Variants in BTBD16 observed in about 807,000 individuals in gnomAD.
The protein encoded by BTBD16 is BTB/POZ domain-containing protein 16.
BTBD16 carries 66 observed loss-of-function variants against 67.4 expected under a neutral mutation model. The ratio of observed to expected loss-of-function variants is 0.98; its 90% CI spans 0.80 to 1.20. BTBD16 has a LOEUF of 1.20. BTBD16 is among the 50% of genes most tolerant of loss of function. The probability of loss-of-function intolerance (pLI) is 0.00; values close to 1 mark genes in which losing one functional copy is unlikely to be tolerated. For synonymous variants in BTBD16, 242 were observed against 236.4 expected, an observed-to-expected ratio of 1.02 and a Z score of -0.22; for missense variants, 634 against 616.0, an observed-to-expected ratio of 1.03 and a Z score of -0.31.
At chr10:122,309,178 G>T (rs1354114536) in intron 10 of BTBD16, among the ~76,000 whole-genome samples, 1 of 152,088 alleles carries the variant, frequency 6.6e-6, no homozygotes, top group Non-Finnish European at 1.5e-5. Flanking sequence ...CCAGGTTGGA[G>T]TACAGTGGCG....
Position 122,336,505 on chromosome 10 carries a change from C to A in BTBD16, c.1275C>A (p.His425Gln). Reference sequence around the variant, plus strand: ...CACTCTCTTTGCAGAGAATAAAGCACACAGACCTGGAATCTCCCTCTGCGG... The same window carrying A: ...CACTCTCTTTGCAGAGAATAAAGCAAACAGACCTGGAATCTCCCTCTGCGG... ...SYSFYMQRIK[H>Q]TDLESPSAVY... Residue 425 changes from histidine (H) to glutamine (Q), a missense_variant, in exon 15 of 16, where the codon CAC becomes CAA. His to Gln is a conservative substitution (Grantham distance 24, BLOSUM62 0). Coordinates refer to ENST00000260723, the MANE Select transcript of BTBD16 (RefSeq NM_144587.5). 1 of 1,606,916 alleles carries A rather than the reference C, an allele frequency of 6.2e-7. No individual in the cohort carries two copies.
intron 3 of BTBD16, among the ~76,000 whole-genome samples, chr10:122,282,726 C>T (rs34023182): frequency 0.068 from 10,335 of 152,264 alleles, 543 homozygotes; most frequent in Middle Eastern, 0.13. Context: ...GTGCCAGGGT[C>T]ATAGCAGTAA....
At chr10:122,298,936 G>T in intron 8 of BTBD16, 68 bp from the exon 9 acceptor site, 1 of 1,588,684 alleles carries the variant, frequency 6.3e-7, no homozygotes, top group Non-Finnish European at 8.5e-7. Context: ...GTGTAGTGTC[G>T]TCTCAGGCCA....
rs1192400387 is a variant in BTBD16 at position 122,286,035 on chromosome 10, G to C, written c.242-70G>C. 5.5e-6 allele frequency: 8 copies of C among 1,448,876 alleles called. No individual in the cohort carries two copies. In the African/African-American group the frequency reaches 7.0e-5, roughly 13 times the overall value. 89.8% of individuals were successfully genotyped at this position (1,448,876 alleles called of 1,614,324 possible). A position where few individuals can be genotyped will look rare whatever the true frequency, so the allele number is the denominator to read the frequency against. On this transcript the variant is annotated intron_variant, in intron 4 of 15. Transcript: ENST00000260723. The stretch of plus-strand genomic sequence containing the variant: ...TCCACCGAGCAAAGGAGCTGGGGGA[G>C]AGGAAGCTGATGCATCTTTGGGTGG...
intron 14 of BTBD16, among the ~76,000 whole-genome samples, chr10:122,335,907 T>A (rs4752683): frequency 6.6e-6 from 1 of 151,724 alleles, no homozygotes. Flanking sequence ...CTCACTCTGT[T>A]GCCCAGGCTG....
Position 122,276,914 on chromosome 10 carries a change from G to T in BTBD16, c.142G>T (p.Glu48Ter), listed in dbSNP as rs1390850514. The change falls in exon 3 of 16, where the codon GAG becomes TAG. Residue 48 changes from glutamate (E) to a stop codon, truncating the protein, a stop_gained. Coordinates refer to ENST00000260723, the MANE Select transcript of BTBD16 (RefSeq NM_144587.5). LOFTEE classifies it high-confidence loss of function. ...GTGCAAGGCTCTGAGCATAGACTTT[G>T]AGGAAGCTTTGAGGAACCCAGACAG... is the stretch of plus-strand genomic sequence containing the variant. ...QMCKALSIDF[E>*]EALRNPDRLC... is the part of the protein sequence containing the mutation. 6.2e-7 allele frequency: 1 copy of T among 1,614,032 alleles called. No homozygotes were observed. The highest frequency in any genetic ancestry group is 8.5e-7 in the Non-Finnish European group (1 of 1,180,020).
chr10:122,298,695 C>G (rs369314960), intron 8 of BTBD16, among the ~76,000 whole-genome samples: 48 of 152,242 alleles, frequency 3.2e-4, no homozygotes, highest in Admixed American at 3.0e-3. Context: ...CTGCCACTTA[C>G]GAGTTGTGTG....
Position 122,272,192 on chromosome 10 carries a change from G to T in BTBD16, c.-43+678G>T, listed in dbSNP as rs555951457. 3.3e-5 allele frequency among the ~76,000 whole-genome samples: 5 copies of T among 152,338 alleles called. No homozygotes were observed. In the South Asian group the frequency reaches 1.0e-3, roughly 32 times the overall value. ...TCAGCCATCAAGGAAAACACACATT[G>T]CTGTAAACTCAAGTGCACCTCTGAA... On this transcript the variant is annotated intron_variant, in intron 1 of 15. Coordinates refer to ENST00000260723, the MANE Select transcript of BTBD16 (RefSeq NM_144587.5).
chr10:122,336,561 C>G lies in BTBD16; in HGVS notation c.1331C>G (p.Ala444Gly), dbSNP rs143717019. The change falls in exon 15 of 16, where the codon GCG (alanine) becomes GGG (glycine). Residue 444 changes from alanine (A) to glycine (G), a missense_variant. Physicochemically the swap from Ala to Gly is moderately conservative, Grantham distance 60. Coordinates refer to ENST00000260723, the MANE Select transcript of BTBD16 (RefSeq NM_144587.5). ...GAGCACAACCACGTCAGCCTGCGAG[C>G]GGCACGCCTGGTGAAGTATGAGATC... The part of the protein sequence containing the change: ...VYEHNHVSLR[A>G]ARLVKYEIRA... 1.1e-5 allele frequency: 17 copies of G among 1,612,654 alleles called. No homozygotes were observed. The highest frequency in any genetic ancestry group is 1.4e-5 in the Non-Finnish European group (17 of 1,179,534).
chr10:122,320,778 T>G (rs1332764736), intron 10 of BTBD16, among the ~76,000 whole-genome samples: 1 of 152,212 alleles, frequency 6.6e-6, no homozygotes, highest in Non-Finnish European at 1.5e-5. Flanking sequence ...GAGACCTGTT[T>G]TATGGCTCAC....
chr10:122,328,238 C>A (rs1321186419), intron 10 of BTBD16, among the ~76,000 whole-genome samples: 1 of 152,206 alleles, frequency 6.6e-6, no homozygotes, highest in Non-Finnish European at 1.5e-5. Flanking sequence ...CACCCACCAG[C>A]CCCGGCTCCA....
At chr10:122,321,082 T>C (rs1322805164) in intron 10 of BTBD16, among the ~76,000 whole-genome samples, 2 of 152,184 alleles carry the variant, frequency 1.3e-5, no homozygotes, top group African/African-American at 4.8e-5. Flanking sequence ...TTAGCTTCCA[T>C]TTATAAGTGA....
At chr10:122,329,844 G>A (rs969828423) in intron 11 of BTBD16, among the ~76,000 whole-genome samples, 1 of 152,100 alleles carries the variant, frequency 6.6e-6, no homozygotes, top group Non-Finnish European at 1.5e-5. Flanking sequence ...GGCTGCCAAG[G>A]GCTGTTTTAT....
chr10:122,311,407 C>G (rs144997997), intron 10 of BTBD16, among the ~76,000 whole-genome samples: 1 of 152,346 alleles, frequency 6.6e-6, no homozygotes, highest in East Asian at 1.9e-4. Context: ...CCACTCTACA[C>G]TCTACAGCCT....
At position 122,306,782 on chromosome 10, in the gene BTBD16, A is replaced by G. The variant is rs1225040703; in HGVS notation, c.792-407A>G. On this transcript the variant is annotated intron_variant, in intron 9 of 15. Coordinates refer to ENST00000260723, the MANE Select transcript of BTBD16 (RefSeq NM_144587.5). ...TGATGAACAAAACACTAAAATTTTA[A>G]ATAAATGTAGGGTTAATCTCAATTT... Among the ~76,000 whole-genome samples the G allele has an allele frequency of 2.0e-5, 3 of 152,236 alleles. No individual in the cohort carries two copies. In the East Asian group the frequency reaches 5.8e-4, roughly 29 times the overall value.
intron 9 of BTBD16, among the ~76,000 whole-genome samples, chr10:122,300,417 C>T (rs771872158): frequency 6.6e-6 from 1 of 151,896 alleles, no homozygotes; most frequent in Non-Finnish European, 1.5e-5. Context: ...TGCCAATCAC[C>T]CTAGAGTTCA....
Position 122,338,022 on chromosome 10 carries a change from G to A in BTBD16, c.1458G>A (p.Leu486=). The A allele has an allele frequency of 6.2e-7, 1 of 1,611,196 alleles. No individual in the cohort carries two copies. The highest frequency in any genetic ancestry group is 8.5e-7 in the Non-Finnish European group (1 of 1,177,774). Residue 486 remains leucine, a synonymous_variant, in exon 16 of 16, where the codon TTG becomes TTA. Coordinates refer to ENST00000260723, the MANE Select transcript of BTBD16 (RefSeq NM_144587.5). ...LTTSSCKSHT[L]KIQTVGIPIY... ...TGTTTTTTTTCATGTTTTAGACCTT[G>A]AAAATCCAAACTGTGGGCATCCCAA...
intron 2 of BTBD16, among the ~76,000 whole-genome samples, chr10:122,276,512 C>CTACCTGCAAAAAACAG (rs1438637447): frequency 1.3e-5 from 2 of 152,298 alleles, no homozygotes; most frequent in Admixed American, 1.3e-4. Context: ...CTTCAGAGAG[C>CTACCTGCAAAAAACAG]TACCTGCAAA....
At chr10:122,331,429 G>C (rs942267350) in intron 12 of BTBD16, 171 bp downstream of exon 12, 3 of 657,844 alleles carry the variant, frequency 4.6e-6, no homozygotes, top group Non-Finnish European at 5.6e-6. Flanking sequence ...AGGAGAGAAG[G>C]GAGGAGACCC....
Sources: gnomAD v4.1 joint callset for allele counts (sites outside exome capture counted in the v4.1 genomes callset) on GRCh38, gnomAD v4.1.1 for gene constraint, MANE v1.5 for transcripts, NCBI Gene and HGNC (gene_info 2026-07-23, HGNC 2026-07-21) for gene names.